Variants in TOM1L2 observed in about 807,000 individuals in gnomAD.
TOM1L2 encodes target of myb1 like 2 membrane trafficking protein.
TOM1L2 carries 31 observed loss-of-function variants against 67.9 expected under a neutral mutation model. The ratio of observed to expected loss-of-function variants is 0.46; its 90% CI spans 0.34 to 0.62. The LOEUF is 0.62. Among genes scored for constraint, TOM1L2 ranks in the 20% least tolerant of loss-of-function variants. TOM1L2 has a pLI of 0.01. For synonymous variants in TOM1L2, 256 were observed against 254.0 expected (o/e 1.01, Z -0.07); for missense variants, 606 against 663.5 (o/e 0.91, Z 0.95).
chr17:17,903,405 C>G lies in TOM1L2; in HGVS notation c.137+4042G>C, dbSNP rs190015609. On this transcript the variant is annotated intron_variant, in intron 2 of 14. Coordinates refer to ENST00000379504, the MANE Select transcript of TOM1L2 (RefSeq NM_001082968.2). Reference sequence around the variant, plus strand: ...TTGGGAGGCTGAGGCGGGCGGATCACGAGGTAAGGGGATCGAGACCATGGT... The same window carrying G: ...TTGGGAGGCTGAGGCGGGCGGATCAGGAGGTAAGGGGATCGAGACCATGGT... 7.8e-3 allele frequency among the ~76,000 whole-genome samples: 1,182 copies of G among 152,122 alleles called. 9 individuals are homozygous for G. The highest frequency in any genetic ancestry group is 0.027 in the African/African-American group (1,110 of 41,506).
At chr17:17,848,239 G>A (rs775067664) in intron 14 of TOM1L2, among the ~76,000 whole-genome samples, 1 of 152,212 alleles carries the variant, frequency 6.6e-6, no homozygotes, top group Admixed American at 6.5e-5. Context: ...GAGCTAGGGA[G>A]CAGGGTCCTC....
chr17:17,904,596 A>T (rs2144374737), intron 2 of TOM1L2, among the ~76,000 whole-genome samples: 1 of 152,212 alleles, frequency 6.6e-6, no homozygotes, highest in African/African-American at 2.4e-5. Context: ...TTAGCAAGGG[A>T]GCAACTTGGT....
At chr17:17,943,027 G>A (rs2040799148) in intron 1 of TOM1L2, among the ~76,000 whole-genome samples, 1 of 152,092 alleles carries the variant, frequency 6.6e-6, no homozygotes, top group Non-Finnish European at 1.5e-5. Flanking sequence ...AGAGTGGGAG[G>A]GGAGGATGAT....
chr17:17,923,536 T>G (rs2039964726), intron 1 of TOM1L2, among the ~76,000 whole-genome samples: 1 of 150,792 alleles, frequency 6.6e-6, no homozygotes, highest in Admixed American at 6.6e-5. Context: ...AAAATTTTTT[T>G]TTAATTAGCT....
intron 5 of TOM1L2, among the ~76,000 whole-genome samples, chr17:17,884,286 G>T (rs551679814): frequency 3.9e-5 from 6 of 152,282 alleles, no homozygotes; most frequent in African/African-American, 1.4e-4. Context: ...GAGGTGCTAT[G>T]GTGCTCTGAG....
intron 1 of TOM1L2, among the ~76,000 whole-genome samples, chr17:17,939,436 AG>A (rs918565978): frequency 1.3e-5 from 2 of 152,258 alleles, no homozygotes; most frequent in African/African-American, 4.8e-5. Context: ...GATACATGAT[AG>A]GAAATTACAT....
At chr17:17,869,782 A>G (rs150017352) in intron 7 of TOM1L2, 2 of 771,092 alleles carry the variant, frequency 2.6e-6, no homozygotes, top group East Asian at 7.2e-5. Flanking sequence ...CTTTTTCTCA[A>G]CAAAATATTC....
chr17:17,850,932 A>G lies in TOM1L2; in HGVS notation c.1299T>C (p.Ser433=). 6.2e-7 allele frequency: 1 copy of G among 1,614,066 alleles called. No individual in the cohort carries two copies. ...GCCACACCTCAATGTCGTCCATGACAGATGGCTGCGCAACGGGGATCTATG... is the reference window on the plus strand; with the variant it reads ...GCCACACCTCAATGTCGTCCATGACGGATGGCTGCGCAACGGGGATCTATG... ...SSEGIPVAQP[S]VMDDIEVWLR... The change falls in exon 13 of 15, where the codon TCT becomes TCC. Residue 433 remains serine (S), a synonymous_variant. Transcript: ENST00000379504.
chr17:17,942,098 G>GA (rs2040759193), intron 1 of TOM1L2, among the ~76,000 whole-genome samples: 1 of 152,192 alleles, frequency 6.6e-6, no homozygotes, highest in African/African-American at 2.4e-5. Flanking sequence ...CTCCTAAAAC[G>GA]AGAGGCAGAA....
chr17:17,851,448 G>T (rs568355957), intron 12 of TOM1L2: 1 of 184,390 alleles, frequency 5.4e-6, no homozygotes, highest in East Asian at 1.6e-4. Flanking sequence ...GCCCCGGGGG[G>T]ATGCAGGGGG....
At chr17:17,873,648 C>T (rs1223774382) in intron 7 of TOM1L2, among the ~76,000 whole-genome samples, 1 of 152,256 alleles carries the variant, frequency 6.6e-6, no homozygotes, top group African/African-American at 2.4e-5. Context: ...TGTCAGTCTC[C>T]TCAACAGAGC....
chr17:17,925,480 A>G (rs1453947013), intron 1 of TOM1L2, among the ~76,000 whole-genome samples: 3 of 152,118 alleles, frequency 2.0e-5, no homozygotes, highest in African/African-American at 2.4e-5. Context: ...ACAGCAAAAG[A>G]CTAAGAAAGA....
intron 4 of TOM1L2, among the ~76,000 whole-genome samples, chr17:17,888,436 C>G (rs557697692): frequency 1.3e-5 from 2 of 152,280 alleles, no homozygotes; most frequent in South Asian, 4.1e-4. Flanking sequence ...ACCAATAAAC[C>G]ATTGCTGATT....
rs2037898401 is a variant in TOM1L2 at position 17,884,626 on chromosome 17, A to G, written c.501+8T>C. ...GGTCTTTCTAGAAAGTGCCAGCTGG[A>G]AGCTTACCCGCTGTGGTGTGTGTAT... On this transcript the variant is annotated splice_region_variant and intron_variant, in intron 5 of 14. Transcript: ENST00000379504. 21 of 1,613,772 alleles carry G rather than the reference A, an allele frequency of 1.3e-5. No individual in the cohort carries two copies. Among genetic ancestry groups the G allele is most frequent in the Non-Finnish European group, 1.7e-5 (20 of 1,179,972 alleles).
At chr17:17,879,209 G>C (rs774120020) in intron 7 of TOM1L2, among the ~76,000 whole-genome samples, 7 of 152,174 alleles carry the variant, frequency 4.6e-5, no homozygotes, top group Non-Finnish European at 1.0e-4. Context: ...AAAATGTGAT[G>C]TTGAGGGACC....
At position 17,861,530 on chromosome 17, in the gene TOM1L2, C is replaced by A. The variant is rs761112529; in HGVS notation, c.1224G>T (p.Gln408His). Residue 408 changes from glutamine to histidine, a missense_variant, in exon 12 of 15, where the codon CAG becomes CAT. Gln to His is a conservative substitution (Grantham distance 24). Transcript: ENST00000379504. The part of the protein sequence containing the change: ...QRKTVTYEDP[Q>H]AVGGLASALD... ...GTGCAGAAGCAAGTCCTCCGACAGCCTGAGGATCCTCATAGGTTACCCTGG... is the reference window on the plus strand; with the variant it reads ...GTGCAGAAGCAAGTCCTCCGACAGCATGAGGATCCTCATAGGTTACCCTGG... 2 of 1,614,112 alleles carry A rather than the reference C, an allele frequency of 1.2e-6. No homozygotes were observed. The highest frequency in any genetic ancestry group is 2.2e-5 in the South Asian group (2 of 91,082).
In TOM1L2 at chr17:17,849,065, C is replaced by T. The variant is rs1057418412; in HGVS notation, c.1339-206G>A. ...AAACAGAAGCTTTGTTTTTAAAAAA[C>T]AAAAGCAAAAAATTCAAACATGTTT... On this transcript the variant is annotated intron_variant, in intron 13 of 14. Coordinates refer to ENST00000379504, the MANE Select transcript of TOM1L2 (RefSeq NM_001082968.2). 5.3e-6 allele frequency: 3 copies of T among 561,148 alleles called. No homozygotes were observed. The African/African-American group carries it at 5.8e-5, about 11-fold the overall frequency. The allele number at this position is 561,148 out of a possible 1,614,324, so 34.8% of individuals were successfully genotyped here.
chr17:17,955,343 T>TG (rs904509508), intron 1 of TOM1L2, among the ~76,000 whole-genome samples: 3 of 145,604 alleles, frequency 2.1e-5, no homozygotes, highest in African/African-American at 7.8e-5. Context: ...TTTTTTTTTT[T>TG]TTTTTTTGTT....
rs765274456 is a variant in TOM1L2, at chr17:17,879,607, G to A, written c.777+20C>T. 6.9e-6 allele frequency: 11 copies of A among 1,594,852 alleles called. No individual in the cohort carries two copies. The South Asian group carries it at 1.1e-4, about 16-fold the overall frequency. On this transcript the variant is annotated intron_variant, in intron 7 of 14. Transcript: ENST00000379504. ...GAAGAGCTGCCACCACAGGCCAAGT[G>A]CTTCTGAAAGATGACTCACCTGCAG...
Sources: gnomAD v4.1 joint callset for allele counts (sites outside exome capture counted in the v4.1 genomes callset) on GRCh38, gnomAD v4.1.1 for gene constraint, MANE v1.5 for transcripts, NCBI Gene and HGNC (gene_info 2026-07-23, HGNC 2026-07-21) for gene names.